Variants in KYNU observed in about 807,000 individuals in gnomAD.
KYNU encodes kynureninase, also known as L-kynurenine hydrolase.
In KYNU, 54 loss-of-function variants were observed where a neutral mutation model predicts 59.2. That is an observed-to-expected ratio of 0.91 (90% CI 0.73 to 1.14). KYNU has a LOEUF of 1.14. Ranked by LOEUF, KYNU falls within the 50% of genes most tolerant of loss-of-function variation. The pLI is 0.00. For synonymous variants in KYNU, 177 were observed against 192.0 expected (o/e 0.92, Z 0.65); for missense variants, 567 against 554.4 (o/e 1.02, Z -0.23).
intron 4 of KYNU, among the ~76,000 whole-genome samples, chr2:142,928,805 C>T (rs533898249): frequency 4.0e-5 from 6 of 151,558 alleles, no homozygotes; most frequent in Non-Finnish European, 8.8e-5. Context: ...CTCAGGAGTT[C>T]GAGACCAGCC....
At chr2:142,930,474 A>T (rs1006325065) in intron 4 of KYNU, among the ~76,000 whole-genome samples, 1 of 152,130 alleles carries the variant, frequency 6.6e-6, no homozygotes, top group African/African-American at 2.4e-5. Context: ...CTTAAACAAT[A>T]TAAGTTTATT....
rs192455554 is a variant in KYNU, at chr2:143,055,017, A to G, written c.*12845A>G. On this transcript the variant is annotated 3_prime_UTR_variant, in exon 14 of 14. Transcript: ENST00000264170. ...GGAGTAAGAAGCTATTCATATTTCTATATATATATACCAAGTACATAGGAG... is the reference window on the plus strand; with the variant it reads ...GGAGTAAGAAGCTATTCATATTTCTGTATATATATACCAAGTACATAGGAG... 3 of 152,168 alleles carry G rather than the reference A, an allele frequency of 2.0e-5. No homozygotes were observed. The highest frequency in any genetic ancestry group is 2.9e-5 in the Non-Finnish European group (2 of 68,006). 9.4% of individuals were successfully genotyped at this position (152,168 alleles called of 1,614,324 possible). A position where few individuals can be genotyped will look rare whatever the true frequency, so the allele number is the denominator to read the frequency against.
chr2:142,908,408 T>G (rs887832643), intron 2 of KYNU, among the ~76,000 whole-genome samples: 4 of 141,014 alleles, frequency 2.8e-5, no homozygotes, highest in East Asian at 4.2e-4. Context: ...GAGAAGTCTG[T>G]TTTTTTTTTA....
chr2:142,993,968 T>C (rs771519462), intron 10 of KYNU, among the ~76,000 whole-genome samples: 4 of 152,054 alleles, frequency 2.6e-5, no homozygotes, highest in African/African-American at 9.7e-5. Context: ...TCTGAAGATA[T>C]ATAGGGTCAA....
rs1365767540 is a variant in KYNU at position 143,055,374 on chromosome 2, T to C, written c.*13202T>C. ...GGTCCATCTTTAAAGACAGCAACGTTTCATCTCTCTACCTATTCTTTCATC... is the reference window on the plus strand; with the variant it reads ...GGTCCATCTTTAAAGACAGCAACGTCTCATCTCTCTACCTATTCTTTCATC... On this transcript the variant is annotated 3_prime_UTR_variant, in exon 14 of 14. Transcript: ENST00000264170. The C allele has an allele frequency of 6.6e-6, 1 of 152,172 alleles. No individual in the cohort carries two copies. Among genetic ancestry groups the C allele is most frequent in the Non-Finnish European group, 1.5e-5 (1 of 68,036 alleles). 9.4% of individuals were successfully genotyped at this position (152,172 alleles called of 1,614,324 possible). A position where few individuals can be genotyped will look rare whatever the true frequency, so the allele number is the denominator to read the frequency against.
intron 2 of KYNU, among the ~76,000 whole-genome samples, chr2:142,903,269 C>T (rs2083373): frequency 1.3e-5 from 2 of 151,618 alleles, no homozygotes; most frequent in African/African-American, 4.9e-5. Flanking sequence ...AACTAGAACA[C>T]GACGGGCATT....
At chr2:142,951,842 G>A (rs1230393157) in intron 4 of KYNU, among the ~76,000 whole-genome samples, 2 of 152,192 alleles carry the variant, frequency 1.3e-5, no homozygotes, top group Non-Finnish European at 2.9e-5. Context: ...CAGAAAAATT[G>A]TTCAAATCAG....
At chr2:143,032,065 C>G (rs1686762748) in intron 11 of KYNU, among the ~76,000 whole-genome samples, 1 of 152,088 alleles carries the variant, frequency 6.6e-6, no homozygotes, top group Non-Finnish European at 1.5e-5. Flanking sequence ...ATCACGAGGT[C>G]AGGAGATCGA....
intron 2 of KYNU, among the ~76,000 whole-genome samples, chr2:142,903,052 C>A (rs962128394): frequency 6.6e-6 from 1 of 152,158 alleles, no homozygotes; most frequent in South Asian, 2.1e-4. Context: ...GAACAGCAGC[C>A]TCACTGATAA....
chr2:142,988,382 A>G (rs1685286881), intron 10 of KYNU, among the ~76,000 whole-genome samples: 1 of 151,892 alleles, frequency 6.6e-6, no homozygotes, highest in African/African-American at 2.4e-5. Context: ...TTAGTTTGTA[A>G]CTATCACCAA....
rs1473397171 is a variant in KYNU at position 143,052,156 on chromosome 2, T to C, written c.*9984T>C. The stretch of plus-strand genomic sequence containing the variant: ...CCTGCCCTAGAGATTTGTGGGACAT[T>C]AAACTTGAGACAGATTATTTAGGGT... On this transcript the variant is annotated 3_prime_UTR_variant, in exon 14 of 14. Coordinates refer to ENST00000264170, the MANE Select transcript of KYNU (RefSeq NM_003937.3). 1 of 152,258 alleles carries C rather than the reference T, an allele frequency of 6.6e-6. No homozygotes were observed. The highest frequency in any genetic ancestry group is 1.5e-5 in the Non-Finnish European group (1 of 68,084). 9.4% of individuals were successfully genotyped at this position (152,258 alleles called of 1,614,324 possible).
intron 4 of KYNU, among the ~76,000 whole-genome samples, chr2:142,929,156 G>T (rs186248086): frequency 1.3e-5 from 2 of 150,252 alleles, no homozygotes; most frequent in African/African-American, 4.9e-5. Context: ...CACTACCAAA[G>T]AGGCATAATT....
In KYNU at chr2:142,985,122, A is replaced by G. The variant is rs1318016198; in HGVS notation, c.768A>G (p.Gly256=). 2 of 1,611,574 alleles carry G rather than the reference A, an allele frequency of 1.2e-6. No homozygotes were observed. Among genetic ancestry groups the G allele is most frequent in the Admixed American group, 3.3e-5 (2 of 59,828 alleles). The change falls in exon 9 of 14, where the codon GGA becomes GGG. Residue 256 remains glycine (G), a synonymous_variant. Coordinates refer to ENST00000264170, the MANE Select transcript of KYNU (RefSeq NM_003937.3). ...GCTTTGATCTAGCACATGCAGTTGGAAATGTTGAACTCTACTTACATGACT... is the reference window on the plus strand; with the variant it reads ...GCTTTGATCTAGCACATGCAGTTGGGAATGTTGAACTCTACTTACATGACT... The part of the protein sequence containing the change: ...YVGFDLAHAV[G]NVELYLHDWG...
intron 10 of KYNU, among the ~76,000 whole-genome samples, chr2:142,986,725 A>T (rs949587153): frequency 6.6e-6 from 1 of 151,774 alleles, no homozygotes; most frequent in African/African-American, 2.4e-5. Flanking sequence ...AAGAAAAAAA[A>T]AAACCCTTTT....
chr2:142,934,957 G>A (rs1683339337), intron 4 of KYNU, among the ~76,000 whole-genome samples: 1 of 152,204 alleles, frequency 6.6e-6, no homozygotes, highest in Non-Finnish European at 1.5e-5. Flanking sequence ...AGGTGGAGGT[G>A]GATTGCTAGG....
chr2:142,917,346 G>A (rs1283377860), intron 2 of KYNU, among the ~76,000 whole-genome samples: 1 of 152,118 alleles, frequency 6.6e-6, no homozygotes, highest in Non-Finnish European at 1.5e-5. Context: ...CAAGGGTTGT[G>A]TAGAGAAAGC....
chr2:142,882,772 T>C (rs1203706486), intron 1 of KYNU, among the ~76,000 whole-genome samples: 1 of 152,220 alleles, frequency 6.6e-6, no homozygotes, highest in African/African-American at 2.4e-5. Context: ...CTATTGTGAA[T>C]AGTGCTGCAA....
chr2:142,881,619 C>A (rs1681299629), intron 1 of KYNU, among the ~76,000 whole-genome samples: 2 of 152,154 alleles, frequency 1.3e-5, no homozygotes, highest in Non-Finnish European at 2.9e-5. Flanking sequence ...TAAGTACAGT[C>A]TGAATTGAGA....
In KYNU at chr2:143,040,415, T is replaced by C. The variant is rs1425195618; in HGVS notation, c.1042-13T>C. 1 of 1,595,056 alleles carries C rather than the reference T, an allele frequency of 6.3e-7. No individual in the cohort carries two copies. On this transcript the variant is annotated splice_polypyrimidine_tract_variant and intron_variant, in intron 12 of 13. Transcript: ENST00000264170. ...AATAAGACACTTTAATCTGATTGTTTCTCATTCCACAGATCTTTAAGCAAG... is the reference window on the plus strand; with the variant it reads ...AATAAGACACTTTAATCTGATTGTTCCTCATTCCACAGATCTTTAAGCAAG...
Sources: gnomAD v4.1 joint callset for allele counts (sites outside exome capture counted in the v4.1 genomes callset) on GRCh38, gnomAD v4.1.1 for gene constraint, MANE v1.5 for transcripts, NCBI Gene and HGNC (gene_info 2026-07-23, HGNC 2026-07-21) for gene names.